The following HS6ST3 variants were observed in gnomAD, a reference collection of about 807,000 sequenced individuals.
HS6ST3 encodes the protein heparan-sulfate 6-O-sulfotransferase 3.
A neutral mutation model predicts 36.7 loss-of-function variants in HS6ST3; 12 were observed. The ratio of observed to expected loss-of-function variants is 0.33; its 90% confidence interval spans 0.21 to 0.53. HS6ST3 has a LOEUF of 0.53. Among genes scored for constraint, HS6ST3 ranks in the 20% least tolerant of loss-of-function variants. HS6ST3 has a pLI of 0.95. For synonymous variants in HS6ST3, 240 were observed against 257.5 expected, an observed-to-expected ratio of 0.93 and a Z score of 0.65; for missense variants, 584 against 640.9, an observed-to-expected ratio of 0.91 and a Z score of 0.96.
intron 1 of HS6ST3, among the ~76,000 whole-genome samples, chr13:96,776,685 T>C (rs1361853985): frequency 6.6e-6 from 1 of 152,170 alleles, no homozygotes; most frequent in African/African-American, 2.4e-5. Flanking sequence ...AGTTCTGAAA[T>C]TGAGGCAATA....
chr13:96,770,457 C>T (rs1877237216), intron 1 of HS6ST3, among the ~76,000 whole-genome samples: 1 of 152,036 alleles, frequency 6.6e-6, no homozygotes, highest in East Asian at 1.9e-4. Context: ...TTTTTGGAAC[C>T]AAGTGATTCT....
At chr13:96,382,979 G>A (rs1314978980) in intron 1 of HS6ST3, among the ~76,000 whole-genome samples, 1 of 152,208 alleles carries the variant, frequency 6.6e-6, no homozygotes, top group Non-Finnish European at 1.5e-5. Flanking sequence ...GTGTATGTAT[G>A]TGTATGTATA....
At chr13:96,425,889 T>C (rs1213528207) in intron 1 of HS6ST3, among the ~76,000 whole-genome samples, 1 of 151,708 alleles carries the variant, frequency 6.6e-6, no homozygotes, top group African/African-American at 2.4e-5. Flanking sequence ...TATAGGTAGG[T>C]GAATTTCTTT....
chr13:96,764,359 T>C (rs1260599163), intron 1 of HS6ST3, among the ~76,000 whole-genome samples: 2 of 152,224 alleles, frequency 1.3e-5, no homozygotes, highest in Non-Finnish European at 2.9e-5. Flanking sequence ...GATTATATCT[T>C]ACACTTTCAT....
intron 1 of HS6ST3, among the ~76,000 whole-genome samples, chr13:96,591,841 A>T (rs1265842446): frequency 6.6e-6 from 1 of 152,032 alleles, no homozygotes; most frequent in African/African-American, 2.4e-5. Flanking sequence ...TCTGTCATGT[A>T]AGGTTTTTAT....
At chr13:96,724,663 C>T (rs1875953927) in intron 1 of HS6ST3, among the ~76,000 whole-genome samples, 2 of 152,098 alleles carry the variant, frequency 1.3e-5, no homozygotes, top group African/African-American at 4.8e-5. Context: ...GCTTCTTTCC[C>T]TCAGCATAGT....
intron 1 of HS6ST3, among the ~76,000 whole-genome samples, chr13:96,268,765 GTATAT>G (rs1307015235): frequency 6.6e-6 from 1 of 151,764 alleles, no homozygotes; most frequent in Non-Finnish European, 1.5e-5. Flanking sequence ...TTTATATTTT[GTATAT>G]TATATCTTGT....
chr13:96,296,059 AAATT>A (rs1395214359), intron 1 of HS6ST3, among the ~76,000 whole-genome samples: 3 of 152,164 alleles, frequency 2.0e-5, no homozygotes, highest in African/African-American at 7.2e-5. Context: ...ATTTAAATAA[AAATT>A]AAACAAAAAT....
At chr13:96,232,850 A>T (rs2054515222) in intron 1 of HS6ST3, among the ~76,000 whole-genome samples, 1 of 152,168 alleles carries the variant, frequency 6.6e-6, no homozygotes, top group South Asian at 2.1e-4. Flanking sequence ...GGTAAAAATG[A>T]TGTTGGGAAA....
At position 96,152,316 on chromosome 13, in the gene HS6ST3, C is replaced by CTTTTTTTT. The variant is rs766489670; in HGVS notation, c.707+60759_707+60766dup. 6.7e-3 allele frequency among the ~76,000 whole-genome samples: 652 copies of CTTTTTTTT among 96,596 alleles called. 1 individual carries two copies. The highest frequency in any genetic ancestry group is 9.4e-3 in the Non-Finnish European group (451 of 47,748). The allele number at this position is 96,596 out of a possible 152,430, so 63.4% of individuals were successfully genotyped here. The stretch of plus-strand genomic sequence containing the variant: ...AGTATATTTCCAACTGGCCCCTTTC[C>CTTTTTTTT]TTTTTTTTTTTTTTTTTTTGTTGTT... On this transcript the variant is annotated intron_variant, in intron 1 of 1. Transcript: ENST00000376705.
At chr13:96,539,075 AT>A (rs1334608797) in intron 1 of HS6ST3, among the ~76,000 whole-genome samples, 1 of 152,104 alleles carries the variant, frequency 6.6e-6, no homozygotes, top group African/African-American at 2.4e-5. Context: ...TCAGGGAAGT[AT>A]TTTCAAATGA....
chr13:96,575,463 T>G (rs1030896260), intron 1 of HS6ST3, among the ~76,000 whole-genome samples: 1 of 152,210 alleles, frequency 6.6e-6, no homozygotes, highest in African/African-American at 2.4e-5. Flanking sequence ...ATGCAGGGTC[T>G]CTGAGCTGGT....
chr13:96,830,749 G>A (rs770108300), intron 1 of HS6ST3, among the ~76,000 whole-genome samples: 2 of 152,194 alleles, frequency 1.3e-5, no homozygotes, highest in African/African-American at 2.4e-5. Flanking sequence ...GTTAGGGCAG[G>A]CCTGGTGTTC....
At chr13:96,132,121 TACACACACACACACACACACACACACAC>T (rs60692669) in intron 1 of HS6ST3, among the ~76,000 whole-genome samples, 2,751 of 134,592 alleles carry the variant, frequency 0.02, 78 homozygotes, top group African/African-American at 0.069. Context: ...AGTATTCCAG[TACACACACACACACACACACACACACAC>T]ACACACACAC....
At chr13:96,103,991 T>C (rs1479041949) in intron 1 of HS6ST3, among the ~76,000 whole-genome samples, 2 of 151,568 alleles carry the variant, frequency 1.3e-5, no homozygotes, top group African/African-American at 4.8e-5. Context: ...TTTACCCTTT[T>C]GAGAAAATTA....
At chr13:96,327,486 T>C (rs1172087102) in intron 1 of HS6ST3, among the ~76,000 whole-genome samples, 1 of 152,018 alleles carries the variant, frequency 6.6e-6, no homozygotes, top group Non-Finnish European at 1.5e-5. Context: ...GATCAGATAG[T>C]TGTAGATATG....
intron 1 of HS6ST3, among the ~76,000 whole-genome samples, chr13:96,802,989 A>G (rs1352265752): frequency 6.6e-6 from 1 of 152,136 alleles, no homozygotes; most frequent in East Asian, 1.9e-4. Context: ...CTCATCCCCA[A>G]TAACGTGGAA....
At chr13:96,793,359 G>C (rs1047713984) in intron 1 of HS6ST3, among the ~76,000 whole-genome samples, 7 of 152,024 alleles carry the variant, frequency 4.6e-5, no homozygotes, top group Non-Finnish European at 8.8e-5. Context: ...CATTACCATT[G>C]CTTCCTGGAA....
intron 1 of HS6ST3, among the ~76,000 whole-genome samples, chr13:96,733,880 C>T (rs1876219589): frequency 6.6e-6 from 1 of 152,102 alleles, no homozygotes; most frequent in Non-Finnish European, 1.5e-5. Context: ...GTCCCATTGC[C>T]CCTTTCTCCA....
Sources: allele counts gnomAD v4.1 joint callset (sites outside exome capture counted in the v4.1 genomes callset), GRCh38; gene constraint gnomAD v4.1.1; transcripts MANE v1.5; gene names NCBI Gene and HGNC (gene_info 2026-07-23, HGNC 2026-07-21).